PI4KA: variants seen among roughly 807,000 people sequenced by gnomAD.
PI4KA encodes PI4-kinase alpha.
PI4KA carries 122 observed loss-of-function variants against 271.4 expected under a neutral mutation model. That is an observed-to-expected ratio of 0.45 (90% CI 0.39 to 0.52). The LOEUF is 0.52. PI4KA is among the 20% of genes least tolerant of loss of function. The pLI, the probability that PI4KA is intolerant of heterozygous loss-of-function variation, is 0.00. For missense variants in PI4KA, 1,969 were observed against 2,769.1 expected (o/e 0.71, Z 6.48); for synonymous variants, 1,041 against 1,078.8 (o/e 0.96, Z 0.69).
At chr22:20,818,623 C>G in intron 6 of PI4KA, 74 bp from the exon 7 acceptor site, 1 of 1,134,706 alleles carries the variant, frequency 8.8e-7, no homozygotes, top group Admixed American at 3.1e-5. Context: ...TAGACAAGGT[C>G]CTCTCTGCCA....
chr22:20,791,704 G>C (rs966450317), intron 19 of PI4KA, among the ~76,000 whole-genome samples: 10 of 152,126 alleles, frequency 6.6e-5, no homozygotes, highest in African/African-American at 2.4e-4. Flanking sequence ...GCTGCAGTGG[G>C]CTGATACTCT....
At chr22:20,780,464 C>A (rs1323392879) in intron 19 of PI4KA, among the ~76,000 whole-genome samples, 1 of 152,114 alleles carries the variant, frequency 6.6e-6, no homozygotes, top group Non-Finnish European at 1.5e-5. Context: ...AGGAAGCCAC[C>A]AACACATGAA....
intron 19 of PI4KA, among the ~76,000 whole-genome samples, chr22:20,775,058 T>C (rs929667309): frequency 2.6e-5 from 4 of 152,200 alleles, no homozygotes; most frequent in African/African-American, 9.6e-5. Context: ...TCTCTCCCAT[T>C]CTGCCTGCTC....
chr22:20,831,724 T>A (rs1924200303), intron 3 of PI4KA, among the ~76,000 whole-genome samples: 1 of 152,214 alleles, frequency 6.6e-6, no homozygotes, highest in Non-Finnish European at 1.5e-5. Flanking sequence ...AGGTGACCTG[T>A]CCCTTCTCTC....
At chr22:20,753,852 A>G (rs902137267) in intron 23 of PI4KA, among the ~76,000 whole-genome samples, 4 of 151,964 alleles carry the variant, frequency 2.6e-5, no homozygotes, top group Non-Finnish European at 5.9e-5. Context: ...ACGCCCGGCT[A>G]ATTTTTTGTA....
chr22:20,712,649 G>A (rs776482760), intron 49 of PI4KA, 38 bp from the exon 50 acceptor site: 6 of 1,556,092 alleles, frequency 3.9e-6, no homozygotes, highest in South Asian at 3.5e-5. Flanking sequence ...CGCTGGGTGC[G>A]AGGTGCCCAG....
chr22:20,726,654 G>A, intron 41 of PI4KA, 113 bp from the exon 42 acceptor site: 2 of 925,892 alleles, frequency 2.2e-6, no homozygotes, highest in Non-Finnish European at 3.2e-6. Context: ...GAGAACTGGG[G>A]AAAGCCCAGA....
At chr22:20,739,344 A>C (rs1929126686) in intron 32 of PI4KA, among the ~76,000 whole-genome samples, 2 of 151,506 alleles carry the variant, frequency 1.3e-5, no homozygotes, top group Non-Finnish European at 2.9e-5. Flanking sequence ...ATCTCAAAAA[A>C]AAAAAACAAA....
chr22:20,803,482 C>T (rs563178645), intron 12 of PI4KA, among the ~76,000 whole-genome samples, 162 bp from the exon 13 acceptor site: 277 of 152,244 alleles, frequency 1.8e-3, no homozygotes, highest in African/African-American at 6.6e-3. Flanking sequence ...AAGATGGAAG[C>T]GATGGTGCTG....
At position 20,811,065 on chromosome 22, in the gene PI4KA, G is replaced by A. The variant is rs376071681; in HGVS notation, c.1006-33C>T. The A allele has an allele frequency of 1.2e-5, 18 of 1,497,966 alleles. No homozygotes were observed. The East Asian group carries it at 1.6e-4, about 13-fold the overall frequency. The allele number at this position is 1,497,966 out of a possible 1,614,324, so 92.8% of individuals were successfully genotyped here. A position where few individuals can be genotyped will look rare whatever the true frequency, so the allele number is the denominator to read the frequency against. Reference sequence around the variant, plus strand: ...GGAAACAGAACCTCATGAAGCAACTGACATACACAGAGACAGGAATGCTAG... The same window carrying A: ...GGAAACAGAACCTCATGAAGCAACTAACATACACAGAGACAGGAATGCTAG... On this transcript the variant is annotated intron_variant, in intron 8 of 54. Transcript: ENST00000255882.
rs773523205 is a variant in PI4KA, at chr22:20,765,613, A to T, written c.2409T>A (p.Val803=). ...KLFRDFWLYS[V]LMGFAVEGSG... is the part of the protein sequence containing the mutation. ...AGCCCTCCACAGCGAATCCCATCAGAACGGAATACAGCCAGAAGTCTCGGA... is the reference window on the plus strand; with the variant it reads ...AGCCCTCCACAGCGAATCCCATCAGTACGGAATACAGCCAGAAGTCTCGGA... The change falls in exon 20 of 55, where the codon GTT becomes GTA. Residue 803 remains valine (V), a synonymous_variant. Transcript: ENST00000255882. 26 of 1,610,420 alleles carry T rather than the reference A, an allele frequency of 1.6e-5. No homozygotes were observed. In the South Asian group the frequency reaches 2.9e-4, roughly 18 times the overall value.
intron 19 of PI4KA, chr22:20,786,191 G>C (rs752534168): frequency 6.2e-7 from 1 of 1,610,810 alleles, no homozygotes; most frequent in Admixed American, 1.7e-5. Flanking sequence ...CCCAGGGTCT[G>C]CCTCAGCACA....
At chr22:20,715,881 CCTTTT>C (rs1488142666) in intron 45 of PI4KA, among the ~76,000 whole-genome samples, 3 of 151,954 alleles carry the variant, frequency 2.0e-5, no homozygotes, top group Non-Finnish European at 4.4e-5. Flanking sequence ...TAATGTCATG[CCTTTT>C]CTTTTCTTGT....
intron 4 of PI4KA, among the ~76,000 whole-genome samples, chr22:20,822,113 T>C (rs1251694678): frequency 1.3e-5 from 2 of 152,056 alleles, no homozygotes; most frequent in African/African-American, 4.8e-5. Context: ...GGTTCAATGA[T>C]AGCTCACTGT....
chr22:20,845,376 T>C (rs891023874), intron 1 of PI4KA, among the ~76,000 whole-genome samples: 1 of 152,100 alleles, frequency 6.6e-6, no homozygotes, highest in Admixed American at 6.5e-5. Context: ...ATTATAAAAG[T>C]TGGATAATTA....
intron 28 of PI4KA, among the ~76,000 whole-genome samples, chr22:20,748,411 G>A (rs1211979808): frequency 1.3e-5 from 2 of 152,248 alleles, no homozygotes; most frequent in Non-Finnish European, 2.9e-5. Context: ...CAGCAGCCTG[G>A]TGTGGGTGAA....
chr22:20,790,127 C>T (rs369708379), intron 19 of PI4KA, among the ~76,000 whole-genome samples: 2 of 152,126 alleles, frequency 1.3e-5, no homozygotes, highest in South Asian at 4.1e-4. Flanking sequence ...ATATTATTCA[C>T]AAAGTTGCGG....
chr22:20,845,380 ATAAT>A (rs750547473), intron 1 of PI4KA, among the ~76,000 whole-genome samples: 90 of 152,354 alleles, frequency 5.9e-4, no homozygotes, highest in Admixed American at 1.0e-3. Context: ...TAAAAGTTGG[ATAAT>A]TAAATGATTT....
At chr22:20,800,653 G>T (rs1044215380) in intron 14 of PI4KA, among the ~76,000 whole-genome samples, 5 of 149,914 alleles carry the variant, frequency 3.3e-5, no homozygotes, top group African/African-American at 4.9e-5. Context: ...ACAAGGTCAG[G>T]AGATCAAGAT....
Sources: allele counts gnomAD v4.1 joint callset (sites outside exome capture counted in the v4.1 genomes callset), GRCh38; gene constraint gnomAD v4.1.1; transcripts MANE v1.5; gene names NCBI Gene and HGNC (gene_info 2026-07-23, HGNC 2026-07-21).